The following CDH7 variants were observed in gnomAD, a reference collection of about 807,000 sequenced individuals.
The protein encoded by CDH7 is cadherin-7.
In CDH7, 25 loss-of-function variants were observed where a neutral mutation model predicts 71.8. The observed-to-expected ratio is 0.35, with a 90% CI of 0.25 to 0.49. The LOEUF (loss-of-function observed/expected upper bound fraction) is 0.49. Among genes scored for constraint, CDH7 ranks in the 20% least tolerant of loss-of-function variants. The pLI is 0.99. For synonymous variants in CDH7, 381 were observed against 363.8 expected (o/e 1.05, Z -0.54); for missense variants, 862 against 974.6 (o/e 0.88, Z 1.54).
In CDH7 at chr18:65,887,541, A is replaced by G. The variant is rs888932027; in HGVS notation, c.*6647A>G. 16 of 151,960 alleles carry G rather than the reference A, an allele frequency of 1.1e-4. No individual in the cohort carries two copies. The highest frequency in any genetic ancestry group is 1.6e-4 in the Non-Finnish European group (11 of 68,006). 9.4% of individuals were successfully genotyped at this position (151,960 alleles called of 1,614,324 possible). On this transcript the variant is annotated 3_prime_UTR_variant, in exon 12 of 12. Coordinates refer to ENST00000397968, the MANE Select transcript of CDH7 (RefSeq NM_004361.5). ...ATAAAAGGAAAAGGAAAAATAAGTCACTACACAACTTATATATATTATGTA... is the reference window on the plus strand; with the variant it reads ...ATAAAAGGAAAAGGAAAAATAAGTCGCTACACAACTTATATATATTATGTA...
At chr18:65,782,154 CT>C (rs1459610651) in intron 2 of CDH7, among the ~76,000 whole-genome samples, 1 of 108,200 alleles carries the variant, frequency 9.2e-6, no homozygotes, top group African/African-American at 4.6e-5. Flanking sequence ...TTCTTTCTTT[CT>C]TTCTTTCTTC....
chr18:65,822,252 A>G lies in CDH7; in HGVS notation c.793+4A>G, dbSNP rs377492575. 1.2e-6 allele frequency: 2 copies of G among 1,602,576 alleles called. No homozygotes were observed. The highest frequency in any genetic ancestry group is 2.7e-5 in the African/African-American group (2 of 74,752). ...AATCCACCTCGCTTTCCTCGAAGTA[A>G]GTTGTTTTCTTAAGTGACACAAGTG... On this transcript the variant is annotated splice_donor_region_variant and intron_variant, in intron 5 of 11. Transcript: ENST00000397968.
At chr18:65,766,239 T>C (rs751874031) in intron 2 of CDH7, among the ~76,000 whole-genome samples, 12 of 152,146 alleles carry the variant, frequency 7.9e-5, no homozygotes, top group Non-Finnish European at 1.2e-4. Context: ...TGTGAGTCTT[T>C]TAAGACTTTC....
chr18:65,768,581 G>A (rs1289643051), intron 2 of CDH7, among the ~76,000 whole-genome samples: 1 of 152,158 alleles, frequency 6.6e-6, no homozygotes, highest in African/African-American at 2.4e-5. Context: ...AACGATGATT[G>A]AGTTTTTTTC....
chr18:65,828,266 G>A (rs536795411), intron 6 of CDH7, among the ~76,000 whole-genome samples: 6 of 152,200 alleles, frequency 3.9e-5, no homozygotes, highest in African/African-American at 1.2e-4. Flanking sequence ...TAGTGGAAAT[G>A]ATACATTTGC....
intron 4 of CDH7, among the ~76,000 whole-genome samples, chr18:65,820,311 A>T (rs1911876497): frequency 1.3e-5 from 2 of 151,518 alleles, no homozygotes; most frequent in Non-Finnish European, 2.9e-5. Flanking sequence ...TTAAACAATT[A>T]CTGATTATTA....
chr18:65,813,682 T>C (rs1911623110), intron 3 of CDH7, among the ~76,000 whole-genome samples: 1 of 152,012 alleles, frequency 6.6e-6, no homozygotes, highest in South Asian at 2.1e-4. Flanking sequence ...ATATATAAAC[T>C]AAGTAAACAT....
chr18:65,852,331 A>T (rs1913178969), intron 7 of CDH7, among the ~76,000 whole-genome samples: 1 of 152,168 alleles, frequency 6.6e-6, no homozygotes, highest in Non-Finnish European at 1.5e-5. Flanking sequence ...ATAATAATAT[A>T]TGCTTGCGTT....
chr18:65,760,875 T>A (rs1916171049), intron 1 of CDH7, among the ~76,000 whole-genome samples: 1 of 152,192 alleles, frequency 6.6e-6, no homozygotes, highest in African/African-American at 2.4e-5. Flanking sequence ...CCTGCCTTTT[T>A]AAACTGTAGG....
intron 2 of CDH7, among the ~76,000 whole-genome samples, chr18:65,790,846 G>A (rs967107717): frequency 6.6e-6 from 1 of 152,180 alleles, no homozygotes; most frequent in Non-Finnish European, 1.5e-5. Flanking sequence ...TCCAGCTTAG[G>A]CAACAGAGTG....
At chr18:65,855,136 T>G (rs1317885113) in intron 7 of CDH7, among the ~76,000 whole-genome samples, 1 of 151,922 alleles carries the variant, frequency 6.6e-6, no homozygotes, top group East Asian at 1.9e-4. Context: ...TGTGATGAGT[T>G]TACCATTATT....
chr18:65,782,012 T>C lies in CDH7; in HGVS notation c.210+18960T>C, dbSNP rs867171034. ...TTTCTCTCTTTCTCTCTTTCTCTCT[T>C]TCTCTCTCTCTTTCTCCCTTCCTTC... On this transcript the variant is annotated intron_variant, in intron 2 of 11. Transcript: ENST00000397968. Among the ~76,000 whole-genome samples, 222 of 72,820 alleles carry C rather than the reference T, an allele frequency of 3.0e-3. 34 individuals carry two copies. Among genetic ancestry groups the C allele is most frequent in the African/African-American group, 0.011 (92 of 8,578 alleles). 47.8% of individuals were successfully genotyped at this position (72,820 alleles called of 152,430 possible).
chr18:65,754,261 T>C lies in CDH7; in HGVS notation c.-197+3111T>C, dbSNP rs118157703. ...GTCTGTAATCCACTTTGAGAAGTTT[T>C]CTTTCTGTGTTTGATAACCAGATGC... On this transcript the variant is annotated intron_variant, in intron 1 of 11. Coordinates refer to ENST00000397968, the MANE Select transcript of CDH7 (RefSeq NM_004361.5). Among the ~76,000 whole-genome samples, 124 of 152,340 alleles carry C rather than the reference T, an allele frequency of 8.1e-4. 1 individual carries two copies. The East Asian group carries it at 0.02, about 25-fold the overall frequency.
intron 6 of CDH7, 33 bp downstream of exon 6, chr18:65,824,864 A>G (rs767235362): frequency 1.4e-6 from 2 of 1,455,388 alleles, no homozygotes; most frequent in Non-Finnish European, 1.9e-6. Flanking sequence ...TTTATCACAG[A>G]TTACTGAGAA....
chr18:65,821,119 A>G (rs1352691047), intron 4 of CDH7, among the ~76,000 whole-genome samples: 1 of 26,732 alleles, frequency 3.7e-5, no homozygotes, highest in African/African-American at 5.8e-5. Flanking sequence ...GCAAAAAATA[A>G]CAAACAAACA....
At chr18:65,760,215 A>G (rs1916151591) in intron 1 of CDH7, among the ~76,000 whole-genome samples, 1 of 152,186 alleles carries the variant, frequency 6.6e-6, no homozygotes, top group Non-Finnish European at 1.5e-5. Flanking sequence ...TTGCTCATTT[A>G]ATCCTATGAA....
intron 1 of CDH7, among the ~76,000 whole-genome samples, chr18:65,757,044 G>GT (rs35923381): frequency 0.33 from 47,154 of 143,772 alleles, 7,487 homozygotes; most frequent in Middle Eastern, 0.47. Flanking sequence ...ATGCATAACA[G>GT]TTTTTTTTTT....
chr18:65,822,085 C>G lies in CDH7; in HGVS notation c.630C>G (p.Val210=). Residue 210 remains valine, a synonymous_variant, in exon 5 of 12, where the codon GTC becomes GTG. Coordinates refer to ENST00000397968, the MANE Select transcript of CDH7 (RefSeq NM_004361.5). The part of the protein sequence containing the change: ...PYFSVEPKTG[V]IKTALPNMDR... ...CTGGGATTTGAAATTTTACAGGAGT[C>G]ATCAAGACTGCCCTTCCAAACATGG... 6.2e-7 allele frequency: 1 copy of G among 1,611,728 alleles called. No individual in the cohort carries two copies. The highest frequency in any genetic ancestry group is 2.2e-5 in the East Asian group (1 of 44,792).
chr18:65,773,476 T>C (rs1315067237), intron 2 of CDH7, among the ~76,000 whole-genome samples: 1 of 152,118 alleles, frequency 6.6e-6, no homozygotes, highest in Non-Finnish European at 1.5e-5. Flanking sequence ...TAGCCTGAGG[T>C]CCATCTCTTA....
Sources: allele counts gnomAD v4.1 joint callset (sites outside exome capture counted in the v4.1 genomes callset), GRCh38; gene constraint gnomAD v4.1.1; transcripts MANE v1.5; gene names NCBI Gene and HGNC (gene_info 2026-07-23, HGNC 2026-07-21).